Variants in LGR6 observed in about 807,000 individuals in gnomAD.
The protein encoded by LGR6 is leucine rich repeat containing G protein-coupled receptor 6, also known as leucine-rich repeat-containing G protein-coupled receptor 6.
In LGR6, 45 loss-of-function variants were observed where a neutral mutation model predicts 69.4. The observed-to-expected ratio is 0.65, with a 90% CI of 0.51 to 0.83. The LOEUF (loss-of-function observed/expected upper bound fraction) is 0.83. LGR6 is among the 40% of genes least tolerant of loss of function. The pLI is 0.00. For missense variants in LGR6, 1,108 were observed against 1,246.7 expected (o/e 0.89, Z 1.68); for synonymous variants, 538 against 555.0 (o/e 0.97, Z 0.43).
chr1:202,272,844 C>G (rs901025094), intron 4 of LGR6, among the ~76,000 whole-genome samples: 1 of 152,218 alleles, frequency 6.6e-6, no homozygotes, highest in African/African-American at 2.4e-5. Flanking sequence ...AATAAGTTTT[C>G]CCCTTGCCCT....
At chr1:202,284,519 G>C (rs1310864405) in intron 6 of LGR6, among the ~76,000 whole-genome samples, 1 of 152,186 alleles carries the variant, frequency 6.6e-6, no homozygotes, top group African/African-American at 2.4e-5. Context: ...CTTAGCACTA[G>C]CTCCGTCAAG....
At chr1:202,307,211 C>T in intron 13 of LGR6, 119 bp from the exon 14 acceptor site, 2 of 996,410 alleles carry the variant, frequency 2.0e-6, no homozygotes, top group Non-Finnish European at 3.1e-6. Context: ...CCCCAAAAGG[C>T]AAAGGTTACT....
intron 4 of LGR6, among the ~76,000 whole-genome samples, chr1:202,265,921 G>C (rs1338902432): frequency 6.6e-6 from 1 of 152,126 alleles, no homozygotes; most frequent in Non-Finnish European, 1.5e-5. Context: ...GTGGGCACTT[G>C]GGTAAAGTTG....
At chr1:202,269,059 C>T (rs1664893084) in intron 4 of LGR6, among the ~76,000 whole-genome samples, 1 of 152,098 alleles carries the variant, frequency 6.6e-6, no homozygotes, top group Admixed American at 6.6e-5. Flanking sequence ...AGCGTGCCAC[C>T]ATGCCTGGCT....
At chr1:202,290,635 G>A (rs1666729024) in intron 6 of LGR6, among the ~76,000 whole-genome samples, 1 of 152,222 alleles carries the variant, frequency 6.6e-6, no homozygotes, top group African/African-American at 2.4e-5. Flanking sequence ...CACTTTGGGA[G>A]GCTGAGGTGG....
intron 1 of LGR6, chr1:202,203,739 C>T (rs1401082089): frequency 1.3e-5 from 20 of 1,501,416 alleles, no homozygotes; most frequent in East Asian, 2.3e-5. Context: ...GAGGAGGGAA[C>T]GCTTGTGTCT....
chr1:202,239,050 CAG>C (rs1661901085), intron 4 of LGR6, among the ~76,000 whole-genome samples: 1 of 152,264 alleles, frequency 6.6e-6, no homozygotes, highest in East Asian at 1.9e-4. Context: ...CTCCTATAAA[CAG>C]GGGGCGTCTC....
chr1:202,214,022 G>A (rs531881705), intron 1 of LGR6: 2 of 1,333,164 alleles, frequency 1.5e-6, no homozygotes, highest in East Asian at 6.3e-5. Flanking sequence ...GGGAGTTAGG[G>A]AAGAGGGCAG....
chr1:202,208,725 C>T (rs75584173), intron 1 of LGR6, among the ~76,000 whole-genome samples: 5,882 of 152,206 alleles, frequency 0.039, 389 homozygotes, highest in African/African-American at 0.13. Context: ...CCTCTGCCTG[C>T]CCTGCCTCCA....
At chr1:202,311,161 G>A (rs779441844) in intron 16 of LGR6, among the ~76,000 whole-genome samples, 1 of 152,002 alleles carries the variant, frequency 6.6e-6, no homozygotes, top group African/African-American at 2.4e-5. Context: ...CTGCTTTGGG[G>A]TATTCTTTTT....
rs188962068 is a variant in LGR6, at chr1:202,236,632, C to A, written c.428+639C>A. On this transcript the variant is annotated intron_variant, in intron 4 of 17. Transcript: ENST00000367278. ...CCCAGTGGGAGCCGCTGGGCTTCAT[C>A]CACATAATGCACAGCCCAAGGCCTG... Among the ~76,000 whole-genome samples the A allele has an allele frequency of 7.9e-5, 12 of 152,254 alleles. No individual in the cohort carries two copies. In the East Asian group the frequency reaches 1.2e-3, roughly 15 times the overall value.
intron 1 of LGR6, among the ~76,000 whole-genome samples, chr1:202,204,637 C>T (rs1197082928): frequency 3.6e-4 from 4 of 11,266 alleles, no homozygotes; most frequent in African/African-American, 5.6e-4. Context: ...ACACACACAC[C>T]TCCAAACACA....
chr1:202,223,050 G>A (rs534790334), intron 1 of LGR6, among the ~76,000 whole-genome samples: 6 of 151,616 alleles, frequency 4.0e-5, no homozygotes, highest in Admixed American at 1.3e-4. Context: ...GCAGTGAGCC[G>A]AGATCACACC....
At chr1:202,295,327 CAAA>C (rs58243962) in intron 6 of LGR6, among the ~76,000 whole-genome samples, 3 of 45,550 alleles carry the variant, frequency 6.6e-5, no homozygotes, top group African/African-American at 7.6e-5. Context: ...GACTCCATCT[CAAA>C]AAAAAAAAAA....
At chr1:202,195,665 T>G (rs1434818962) in intron 1 of LGR6, among the ~76,000 whole-genome samples, 2 of 152,202 alleles carry the variant, frequency 1.3e-5, no homozygotes, top group Non-Finnish European at 2.9e-5. Flanking sequence ...TCAGCAGTTT[T>G]CTATCCTGGG....
At chr1:202,221,901 A>G (rs7522732) in intron 1 of LGR6, among the ~76,000 whole-genome samples, 5,493 of 152,278 alleles carry the variant, frequency 0.036, 347 homozygotes, top group African/African-American at 0.12. Flanking sequence ...ACAAAAAACC[A>G]GCTGCACAAC....
chr1:202,295,991 C>T (rs906362311), intron 6 of LGR6, among the ~76,000 whole-genome samples: 3 of 152,010 alleles, frequency 2.0e-5, no homozygotes, highest in Admixed American at 1.3e-4. Flanking sequence ...CTGGCTCTAC[C>T]TGTGGACTAT....
At chr1:202,315,768 G>C (rs1429439439) in intron 17 of LGR6, among the ~76,000 whole-genome samples, 2 of 152,204 alleles carry the variant, frequency 1.3e-5, no homozygotes, top group African/African-American at 4.8e-5. Flanking sequence ...TTCAGTGCTT[G>C]GTGACAACAG....
intron 4 of LGR6, among the ~76,000 whole-genome samples, chr1:202,269,050 G>A (rs1299139662): frequency 6.6e-6 from 1 of 152,090 alleles, no homozygotes; most frequent in Non-Finnish European, 1.5e-5. Context: ...GACTACTGGA[G>A]CGTGCCACCA....
Sources: gnomAD v4.1 joint callset for allele counts (sites outside exome capture counted in the v4.1 genomes callset) on GRCh38, gnomAD v4.1.1 for gene constraint, MANE v1.5 for transcripts, NCBI Gene and HGNC (gene_info 2026-07-23, HGNC 2026-07-21) for gene names.